Variants in RET observed in about 807,000 individuals in gnomAD.
RET encodes the protein ret proto-oncogene, also known as proto-oncogene tyrosine-protein kinase receptor Ret.
In RET, 19 loss-of-function variants were observed where a neutral mutation model predicts 118.3. The ratio of observed to expected loss-of-function variants is 0.16; its 90% CI spans 0.11 to 0.24. The LOEUF (loss-of-function observed/expected upper bound fraction) is 0.24, where lower values mean the gene tolerates loss of function less well. Among genes scored for constraint, RET ranks in the 10% least tolerant of loss-of-function variants. The probability of loss-of-function intolerance (pLI) is 1.00; values close to 1 mark genes in which losing one functional copy is unlikely to be tolerated. For missense variants in RET, 1,219 were observed against 1,502.1 expected (o/e 0.81, Z 3.12); for synonymous variants, 597 against 644.1 (o/e 0.93, Z 1.11).
rs1046828340 is a variant in RET at position 43,128,986 on chromosome 10, G to A, written c.*717G>A. The A allele has an allele frequency of 4.2e-6, 1 of 236,964 alleles. No homozygotes were observed. The highest frequency in any genetic ancestry group is 2.2e-5 in the African/African-American group (1 of 45,294). The allele number at this position is 236,964 out of a possible 1,614,324, so 14.7% of individuals were successfully genotyped here. On this transcript the variant is annotated 3_prime_UTR_variant, in exon 20 of 20. Transcript: ENST00000355710. Reference sequence around the variant, plus strand: ...CTTTACTATGTGGATGGTGGTATCAGGGAAGAGGGCTCACAAGACACATTT... The same window carrying A: ...CTTTACTATGTGGATGGTGGTATCAAGGAAGAGGGCTCACAAGACACATTT...
intron 1 of RET, among the ~76,000 whole-genome samples, chr10:43,081,409 T>A (rs1453273780): frequency 6.6e-6 from 1 of 152,182 alleles, no homozygotes; most frequent in Non-Finnish European, 1.5e-5. Flanking sequence ...CTGGGGACTC[T>A]CCAGAGCTGT....
At position 43,114,790 on chromosome 10, in the gene RET, A is replaced by T; in HGVS notation, c.2136+54A>T. The T allele has an allele frequency of 6.5e-7, 1 of 1,545,062 alleles. No individual in the cohort carries two copies. The highest frequency in any genetic ancestry group is 8.7e-7 in the Non-Finnish European group (1 of 1,148,392). On this transcript the variant is annotated intron_variant, in intron 11 of 19. Coordinates refer to ENST00000355710, the MANE Select transcript of RET (RefSeq NM_020975.6). This position sits in a 1 kb window ranked among gnomAD's most constrained non-coding sequence, Gnocchi z 4.6. ...CCCCTGCCCTCCCCAGCTGCCTTCC[A>T]GGGAGGGAGGCCAGCTGGGGAGACA... is the stretch of plus-strand genomic sequence containing the variant.
chr10:43,093,664 G>T (rs1467711273), intron 1 of RET, among the ~76,000 whole-genome samples: 1 of 152,168 alleles, frequency 6.6e-6, no homozygotes, highest in Non-Finnish European at 1.5e-5. Flanking sequence ...ACGCTGGACA[G>T]CACCAAAGAC....
chr10:43,115,453 G>C (rs566492059), intron 11 of RET, among the ~76,000 whole-genome samples: 1 of 152,208 alleles, frequency 6.6e-6, no homozygotes, highest in African/African-American at 2.4e-5. Flanking sequence ...CCCAGCCCTC[G>C]GTAAGGGTGT....
intron 1 of RET, among the ~76,000 whole-genome samples, chr10:43,092,996 C>A (rs539421728): frequency 6.6e-6 from 1 of 152,354 alleles, no homozygotes; most frequent in South Asian, 2.1e-4. Context: ...CTTTCACACT[C>A]CTGTTTATGA....
At chr10:43,111,597 C>T (rs2132781834) in intron 7 of RET, 132 bp downstream of exon 7, 1 of 974,774 alleles carries the variant, frequency 1.0e-6, no homozygotes, top group Non-Finnish European at 1.5e-6. Flanking sequence ...ACCAGCTTCA[C>T]CCTGAGTGAC....
chr10:43,116,568 C>G lies in RET; in HGVS notation c.2137-16C>G, dbSNP rs369817691. The G allele has an allele frequency of 1.9e-6, 3 of 1,613,950 alleles. No individual in the cohort carries two copies. Among genetic ancestry groups the G allele is most frequent in the African/African-American group, 1.3e-5 (1 of 74,932 alleles). On this transcript the variant is annotated splice_polypyrimidine_tract_variant and intron_variant, in intron 11 of 19. Transcript: ENST00000355710. ...TTTTCCCCCCTCTTCTCCCCCTTCCCTCATTTCCAACATAGGAGGATCCAA... is the reference window on the plus strand; with the variant it reads ...TTTTCCCCCCTCTTCTCCCCCTTCCGTCATTTCCAACATAGGAGGATCCAA...
chr10:43,077,448 C>A, intron 1 of RET, 117 bp downstream of exon 1: 6 of 1,278,062 alleles, frequency 4.7e-6, no homozygotes, highest in South Asian at 2.1e-5. Context: ...GCTGTGCGGT[C>A]GCCGGCCACC....
At chr10:43,116,443 GCCGCTGGCTCA>G in intron 11 of RET, 130 bp from the exon 12 acceptor site, 1 of 1,051,428 alleles carries the variant, frequency 9.5e-7, no homozygotes, top group Non-Finnish European at 1.5e-6. Context: ...AGGCAGCGTT[GCCGCTGGCTCA>G]GATGACAGCC....
intron 8 of RET, 115 bp downstream of exon 8, chr10:43,112,339 C>T (rs1837959441): frequency 6.9e-7 from 1 of 1,451,608 alleles, no homozygotes; most frequent in Non-Finnish European, 9.4e-7. Context: ...CTGCTTCTGG[C>T]ACCTCATCCC....
At chr10:43,100,759 C>T (rs2132666641) in intron 2 of RET, 37 bp downstream of exon 2, 2 of 1,547,866 alleles carry the variant, frequency 1.3e-6, no homozygotes, top group Middle Eastern at 2.3e-4. Flanking sequence ...CCGTGCCCCA[C>T]CCCACCCCTT....
rs757031867 is a variant in RET at position 43,111,319 on chromosome 10, A to T, written c.1376A>T (p.Glu459Val). The change falls in exon 7 of 20, where the codon GAG becomes GTG. Residue 459 changes from glutamate to valine, a missense_variant. Around this residue, in one of 5 missense-constraint regions of RET, gnomAD observed 850 missense variants for 969.6 expected, o/e 0.88. Coordinates refer to ENST00000355710, the MANE Select transcript of RET (RefSeq NM_020975.6). ...ACGCTAGGGGTGGTCACCTCAGCCG[A>T]GGACACCTCGGGGATCCTGTTTGTG... is the stretch of plus-strand genomic sequence containing the variant. Reference protein sequence around the residue: ...CSTLGVVTSAEDTSGILFVND... With the variant: ...CSTLGVVTSAVDTSGILFVND... The T allele has an allele frequency of 6.2e-7, 1 of 1,614,118 alleles. No homozygotes were observed.
At chr10:43,089,347 C>T (rs935727456) in intron 1 of RET, among the ~76,000 whole-genome samples, 12 of 152,224 alleles carry the variant, frequency 7.9e-5, no homozygotes, top group Non-Finnish European at 1.6e-4. Context: ...AAAGGGCTAA[C>T]AAGCTGCCTG....
At chr10:43,083,425 T>C (rs563176833) in intron 1 of RET, among the ~76,000 whole-genome samples, 1 of 152,352 alleles carries the variant, frequency 6.6e-6, no homozygotes, top group Admixed American at 6.5e-5. Flanking sequence ...TGGCATAGCC[T>C]GGCATGGCCC....
At chr10:43,124,444 A>G (rs1397747128) in intron 17 of RET, among the ~76,000 whole-genome samples, 2 of 152,126 alleles carry the variant, frequency 1.3e-5, no homozygotes, top group Admixed American at 1.3e-4. Flanking sequence ...TGCAGGACAG[A>G]CGTGTGATTG....
intron 1 of RET, among the ~76,000 whole-genome samples, chr10:43,084,463 G>C (rs1370527877): frequency 6.6e-6 from 1 of 152,214 alleles, no homozygotes; most frequent in Non-Finnish European, 1.5e-5. Flanking sequence ...CGGTGATGGC[G>C]TGCTGGGCAT....
intron 6 of RET, among the ~76,000 whole-genome samples, chr10:43,110,882 A>G (rs1184151347): frequency 6.6e-6 from 1 of 152,184 alleles, no homozygotes; most frequent in African/African-American, 2.4e-5. Context: ...AGGAAAGGGG[A>G]GTAAAGGGTT....
chr10:43,111,153 C>T (rs925211994), intron 6 of RET, 54 bp from the exon 7 acceptor site: 9 of 1,608,036 alleles, frequency 5.6e-6, no homozygotes, highest in Admixed American at 3.3e-5. Context: ...TACCCTCAGG[C>T]CATTACAGGC....
intron 1 of RET, among the ~76,000 whole-genome samples, chr10:43,090,834 A>T (rs1837395897): frequency 5.3e-5 from 8 of 149,624 alleles, no homozygotes; most frequent in Admixed American, 5.3e-4. Flanking sequence ...GGCTGGCCCT[A>T]GCGGCCCAGC....
Sources: gnomAD v4.1 joint callset for allele counts (sites outside exome capture counted in the v4.1 genomes callset) on GRCh38, gnomAD v4.1.1 for gene constraint, gnomAD v4.1.1 regional missense constraint, Gnocchi (gnomAD v3.1) non-coding constraint, MANE v1.5 for transcripts, NCBI Gene and HGNC (gene_info 2026-07-23, HGNC 2026-07-21) for gene names.